The following SLX4 variants were observed in gnomAD, a reference collection of about 807,000 sequenced individuals.
SLX4 encodes the protein structure-specific endonuclease subunit SLX4.
Under a neutral mutation model 146.2 loss-of-function variants are expected in SLX4, and 112 were observed. The ratio of observed to expected loss-of-function variants is 0.77; its 90% CI spans 0.66 to 0.90. The LOEUF (loss-of-function observed/expected upper bound fraction) is 0.90, where lower values mean the gene tolerates loss of function less well. Ranked by LOEUF, SLX4 falls within the 40% of genes least tolerant of loss-of-function variation. The pLI is 0.00. For missense variants in SLX4, 2,563 were observed against 2,392.7 expected (o/e 1.07, Z -1.49); for synonymous variants, 1,061 against 997.7 (o/e 1.06, Z -1.20).
chr16:3,589,951 C>G lies in SLX4; in HGVS notation c.3687G>C (p.Leu1229Phe), dbSNP rs1489094122. Residue 1229 changes from leucine to phenylalanine, a missense_variant, in exon 12 of 15, where the codon TTG becomes TTC. By Grantham distance (22) the Leu-to-Phe change is conservative (BLOSUM62 0). Transcript: ENST00000294008. The surrounding 1 kb of genome is among the most constrained non-coding windows in gnomAD (Gnocchi z 6.2). ...EGALPENRGS[L>F]GRRGAPWLFC... ...ACAGCCAGGGAGCCCCTCTCCTGCC[C>G]AAAGAGCCCCGATTCTCCGGCAGCG... 1 of 1,613,720 alleles carries G rather than the reference C, an allele frequency of 6.2e-7. No individual in the cohort carries two copies. The highest frequency in any genetic ancestry group is 8.5e-7 in the Non-Finnish European group (1 of 1,179,980).
chr16:3,594,330 G>T, intron 10 of SLX4, 123 bp downstream of exon 10: 2 of 1,337,810 alleles, frequency 1.5e-6, no homozygotes, highest in Non-Finnish European at 2.1e-6. Flanking sequence ...TGGTGGGGCA[G>T]GAAGTGAGGG....
chr16:3,603,979 T>C (rs774849970), intron 3 of SLX4, among the ~76,000 whole-genome samples: 4 of 152,090 alleles, frequency 2.6e-5, no homozygotes, highest in Non-Finnish European at 5.9e-5. Flanking sequence ...CCTGTAATCC[T>C]AGCACTTTGG....
intron 11 of SLX4, among the ~76,000 whole-genome samples, chr16:3,591,536 T>C (rs1393128528): frequency 3.9e-5 from 6 of 152,144 alleles, no homozygotes; most frequent in African/African-American, 1.4e-4. Flanking sequence ...TTCCTAACTA[T>C]AGCTGCAGAC....
At chr16:3,583,822 G>A (rs980265912) in intron 13 of SLX4, among the ~76,000 whole-genome samples, 2 of 152,032 alleles carry the variant, frequency 1.3e-5, no homozygotes, top group Admixed American at 1.3e-4. Flanking sequence ...GGGCAACATA[G>A]CAAGACCCCG....
Position 3,595,647 on chromosome 16 carries a change from C to G in SLX4, c.1971G>C (p.Val657=). The G allele has an allele frequency of 6.2e-7, 1 of 1,614,064 alleles. No homozygotes were observed. The highest frequency in any genetic ancestry group is 8.5e-7 in the Non-Finnish European group (1 of 1,180,030). Residue 657 remains valine (V), a synonymous_variant, in exon 9 of 15, where the codon GTG becomes GTC. Transcript: ENST00000294008. ...PGGLPLTGFV[V]PSQDKHPDRG... ...TGTCCGGGTGCTTGTCCTGCGATGG[C>G]ACCACAAACCCAGTCAGAGGAAGGC...
At chr16:3,588,429 A>C (rs910023630) in intron 12 of SLX4, among the ~76,000 whole-genome samples, 9 of 152,206 alleles carry the variant, frequency 5.9e-5, no homozygotes, top group East Asian at 1.9e-4. Flanking sequence ...GTGGCTGAAC[A>C]CTATTCCATT....
Position 3,597,303 on chromosome 16 carries a change from G to A in SLX4, c.1683+76C>T. ...CTGGACTTTCCATCACCTGGCTGTG[G>A]GTACCCAGTGTTGCAGTTCTGGGAT... On this transcript the variant is annotated intron_variant, in intron 7 of 14. Coordinates refer to ENST00000294008, the MANE Select transcript of SLX4 (RefSeq NM_032444.4). This position sits in a 1 kb window ranked among gnomAD's most constrained non-coding sequence, Gnocchi z 4.4. 1.4e-6 allele frequency: 2 copies of A among 1,427,930 alleles called. No individual in the cohort carries two copies. Among genetic ancestry groups the A allele is most frequent in the South Asian group, 1.5e-5 (1 of 68,476 alleles). 88.5% of individuals were successfully genotyped at this position (1,427,930 alleles called of 1,614,324 possible). A position where few individuals can be genotyped will look rare whatever the true frequency, so the allele number is the denominator to read the frequency against.
At position 3,590,606 on chromosome 16, in the gene SLX4, A is replaced by G. The variant is rs2040575311; in HGVS notation, c.3032T>C (p.Val1011Ala). ...AGAAACCTCCAGCCCCCTTTCCCTG[A>G]CAGCGCCACTTTGTTCCTCGGGCTC... Reference protein sequence around the residue: ...TSEPEEQSGAVRERGLEVSHR... With the variant: ...TSEPEEQSGAARERGLEVSHR... Residue 1011 changes from valine (V) to alanine (A), a missense_variant, in exon 12 of 15, where the codon GTC (valine) becomes GCC (alanine). Transcript: ENST00000294008. The surrounding 1 kb of genome is among the most constrained non-coding windows in gnomAD (Gnocchi z 4.8). 1.2e-6 allele frequency: 2 copies of G among 1,613,814 alleles called. No individual in the cohort carries two copies. The highest frequency in any genetic ancestry group is 2.7e-5 in the African/African-American group (2 of 75,046).
rs536003966 is a variant in SLX4, at chr16:3,601,490, C to T, written c.951-299G>A. On this transcript the variant is annotated intron_variant, in intron 4 of 14. Transcript: ENST00000294008. ...CTGAAAGCAGGTACCCAAACAAATA[C>T]ATGAAACCCATGTTCACGGCAGCTC... The T allele has an allele frequency of 3.8e-5, 17 of 444,346 alleles. No homozygotes were observed. In the East Asian group the frequency reaches 7.9e-4, roughly 21 times the overall value. The allele number at this position is 444,346 out of a possible 1,614,324, so 27.5% of individuals were successfully genotyped here.
chr16:3,590,437 C>G lies in SLX4; in HGVS notation c.3201G>C (p.Gln1067His). The G allele has an allele frequency of 6.2e-7, 1 of 1,614,220 alleles. No individual in the cohort carries two copies. Residue 1067 changes from glutamine (Q) to histidine (H), a missense_variant, in exon 12 of 15, where the codon CAG becomes CAC. Gln to His is a conservative substitution (Grantham distance 24). Transcript: ENST00000294008. This position sits in a 1 kb window ranked among gnomAD's most constrained non-coding sequence, Gnocchi z 4.8. ...GAGACAGCAAGGTTGGGGAGCCCAC[C>G]TGGGAAGTTCCGCCACGGGACCGGG... Reference protein sequence around the residue: ...STPRSRGGTSQVGSPTLLSPA... With the variant: ...STPRSRGGTSHVGSPTLLSPA...
chr16:3,595,583 G>C, intron 9 of SLX4, 22 bp downstream of exon 9: 2 of 1,612,620 alleles, frequency 1.2e-6, no homozygotes, highest in South Asian at 2.2e-5. Context: ...ACCAGAGAGC[G>C]CGGGCCAGAG....
rs73505420 is a variant in SLX4, at chr16:3,594,510, C to G, written c.2103G>C (p.Glu701Asp). ...GCACGAACTTGTGGGCGTAAAGCAC[C>G]TCCCCGCTGTCCGTCTGAAACTGGA... ...SDVQFQTDSG[E>D]VLYAHKFVLY... is the part of the protein sequence containing the mutation. The change falls in exon 10 of 15, where the codon GAG becomes GAC. Residue 701 changes from glutamate to aspartate, a missense_variant. Transcript: ENST00000294008. 638 of 1,614,138 alleles carry G rather than the reference C, an allele frequency of 4.0e-4. 1 individual carries two copies. In the African/African-American group the frequency reaches 7.5e-3, roughly 19 times the overall value.
At chr16:3,596,574 C>A (rs1596526818) in intron 7 of SLX4, among the ~76,000 whole-genome samples, 181 bp from the exon 8 acceptor site, 1 of 152,232 alleles carries the variant, frequency 6.6e-6, no homozygotes, top group South Asian at 2.1e-4. Context: ...GATGCTTTTC[C>A]CCAGCACTCA....
rs778062467 is a variant in SLX4 at position 3,595,689 on chromosome 16, C to G, written c.1929G>C (p.Leu643Phe). The G allele has an allele frequency of 9.3e-6, 15 of 1,614,100 alleles. No homozygotes were observed. The highest frequency in any genetic ancestry group is 1.3e-5 in the African/African-American group (1 of 75,060). The change falls in exon 9 of 15, where the codon TTG (leucine) becomes TTC (phenylalanine). Residue 643 changes from leucine (L) to phenylalanine (F), a missense_variant. Physicochemically the swap from Leu to Phe is conservative, Grantham distance 22 (BLOSUM62 0). Coordinates refer to ENST00000294008, the MANE Select transcript of SLX4 (RefSeq NM_032444.4). ...GLAGSEGTAG[L>F]DVVPGGLPLT... is the part of the protein sequence containing the mutation. ...GAGGAAGGCCGCCGGGCACCACGTC[C>G]AACCCTGAGTGGAGGATTCACAGGT... is the stretch of plus-strand genomic sequence containing the variant.
At position 3,589,795 on chromosome 16, in the gene SLX4, C is replaced by A. The variant is rs762456970; in HGVS notation, c.3843G>T (p.Gly1281=). The A allele has an allele frequency of 6.8e-6, 11 of 1,613,354 alleles. No homozygotes were observed. ...SQTQISSLRS[G]LAVQAVTQHT... ...GCTGAGTCACCGCCTGCACGGCCAGCCCGCTCCTGAGGCTGCTGATTTGGG... is the reference window on the plus strand; with the variant it reads ...GCTGAGTCACCGCCTGCACGGCCAGACCGCTCCTGAGGCTGCTGATTTGGG... The change falls in exon 12 of 15, where the codon GGG becomes GGT. Residue 1281 remains glycine (G), a synonymous_variant. Coordinates refer to ENST00000294008, the MANE Select transcript of SLX4 (RefSeq NM_032444.4). This position sits in a 1 kb window ranked among gnomAD's most constrained non-coding sequence, Gnocchi z 6.2.
At chr16:3,596,132 G>A (rs1248212934) in intron 8 of SLX4, 21 bp downstream of exon 8, 2 of 1,545,760 alleles carry the variant, frequency 1.3e-6, no homozygotes, top group Non-Finnish European at 1.7e-6. Context: ...GCTGGCCCTA[G>A]AGTCCCACCC....
intron 4 of SLX4, 83 bp from the exon 5 acceptor site, chr16:3,601,274 C>T (rs531992084): frequency 7.0e-6 from 10 of 1,434,298 alleles, no homozygotes; most frequent in Middle Eastern, 3.7e-4. Context: ...TCAACACAGA[C>T]GTGCTGTGGT....
intron 1 of SLX4, among the ~76,000 whole-genome samples, chr16:3,610,108 G>A (rs1407106601): frequency 6.6e-6 from 1 of 152,200 alleles, no homozygotes; most frequent in Non-Finnish European, 1.5e-5. Flanking sequence ...GAGCATGGTT[G>A]TTTACTTTGG....
intron 14 of SLX4, 52 bp from the exon 15 acceptor site, chr16:3,582,745 G>GA: frequency 6.7e-7 from 1 of 1,494,898 alleles, no homozygotes; most frequent in Non-Finnish European, 9.2e-7. Flanking sequence ...TCCAGCCCCT[G>GA]AGACCATGAG....
Sources: gnomAD v4.1 joint callset for allele counts (sites outside exome capture counted in the v4.1 genomes callset) on GRCh38, gnomAD v4.1.1 for gene constraint, Gnocchi (gnomAD v3.1) non-coding constraint, MANE v1.5 for transcripts, NCBI Gene and HGNC (gene_info 2026-07-23, HGNC 2026-07-21) for gene names.